Variants in MAMDC2 observed in about 807,000 individuals in gnomAD.
MAMDC2 encodes MAM domain containing 2.
Under a neutral mutation model 89.8 loss-of-function variants are expected in MAMDC2, and 57 were observed. The observed-to-expected ratio is 0.63, with a 90% CI of 0.51 to 0.79. MAMDC2 has a LOEUF of 0.79. Ranked by LOEUF, MAMDC2 falls within the 30% of genes least tolerant of loss-of-function variation. The probability of loss-of-function intolerance (pLI) is 0.00; values close to 1 mark genes in which losing one functional copy is unlikely to be tolerated. For missense variants in MAMDC2, 800 were observed against 820.6 expected (o/e 0.97, Z 0.31); for synonymous variants, 313 against 293.4 (o/e 1.07, Z -0.68).
At chr9:70,065,594 T>C (rs1418381077) in intron 2 of MAMDC2, among the ~76,000 whole-genome samples, 2 of 151,700 alleles carry the variant, frequency 1.3e-5, no homozygotes, top group African/African-American at 4.8e-5. Context: ...TTTTTTTTTT[T>C]TTAATACATG....
rs541028580 is a variant in MAMDC2 at position 70,129,194 on chromosome 9, T to C, written c.901-2325T>C. ...GTAGGAGGGACCCAGTGGGAGGTAA[T>C]TAAATTATGGGGGCAGTTCTTTCTC... On this transcript the variant is annotated intron_variant, in intron 6 of 13. Coordinates refer to ENST00000377182, the MANE Select transcript of MAMDC2 (RefSeq NM_153267.5). Among the ~76,000 whole-genome samples, 4 of 152,250 alleles carry C rather than the reference T, an allele frequency of 2.6e-5. No individual in the cohort carries two copies. In the South Asian group the frequency reaches 8.3e-4, roughly 32 times the overall value.
In MAMDC2 at chr9:70,182,471, A is replaced by T. The variant is rs143785686; in HGVS notation, c.1651+11840A>T. ...GTACCTCTGGTAGAATTTGGCTGTG[A>T]ATCCATCTGGTCCTGGGCTTTTTTT... On this transcript the variant is annotated intron_variant, in intron 11 of 13. Transcript: ENST00000377182. Among the ~76,000 whole-genome samples the T allele has an allele frequency of 5.4e-3, 821 of 152,276 alleles. 4 individuals are homozygous for T. Among genetic ancestry groups the T allele is most frequent in the Non-Finnish European group, 8.7e-3 (594 of 68,028 alleles).
At chr9:70,174,914 C>A (rs774453329) in intron 11 of MAMDC2, among the ~76,000 whole-genome samples, 17 of 152,000 alleles carry the variant, frequency 1.1e-4, no homozygotes, top group Non-Finnish European at 1.9e-4. Context: ...TTAGTAGAGA[C>A]AGGGTTTTGC....
At chr9:70,117,127 C>T (rs907299701) in intron 5 of MAMDC2, among the ~76,000 whole-genome samples, 12 of 152,292 alleles carry the variant, frequency 7.9e-5, no homozygotes, top group East Asian at 1.9e-4. Context: ...ACCAGAATGA[C>T]GCTTCTTCAT....
chr9:70,073,840 T>C (rs1450833708), intron 2 of MAMDC2, among the ~76,000 whole-genome samples: 1 of 152,224 alleles, frequency 6.6e-6, no homozygotes. Flanking sequence ...TTGTCTCTTC[T>C]ACATCTTACA....
chr9:70,204,725 C>T (rs1428749167), intron 11 of MAMDC2, among the ~76,000 whole-genome samples: 21 of 151,912 alleles, frequency 1.4e-4, no homozygotes, highest in Non-Finnish European at 1.5e-5. Context: ...GGGCGTAGGA[C>T]CCTCCGAGCC....
intron 11 of MAMDC2, among the ~76,000 whole-genome samples, chr9:70,174,735 T>TA (rs2032445550): frequency 6.6e-6 from 1 of 150,516 alleles, no homozygotes; most frequent in African/African-American, 2.4e-5. Context: ...ATTTTTTTTT[T>TA]TTTTTCCGAG....
intron 2 of MAMDC2, among the ~76,000 whole-genome samples, chr9:70,057,436 C>T (rs778297061): frequency 1.3e-5 from 2 of 152,112 alleles, no homozygotes; most frequent in Non-Finnish European, 2.9e-5. Flanking sequence ...CAGAATATTC[C>T]TCAAGCTTCT....
chr9:70,077,140 T>C lies in MAMDC2; in HGVS notation c.149-31071T>C, dbSNP rs3015167. On this transcript the variant is annotated intron_variant, in intron 2 of 13. Coordinates refer to ENST00000377182, the MANE Select transcript of MAMDC2 (RefSeq NM_153267.5). ...GATTAATTTATTCTAGGTTCTCTTA[T>C]GGTTAGTAGTGGCTCCAGAATGTGG... Among the ~76,000 whole-genome samples the C allele has an allele frequency of 7.3e-3, 1,112 of 152,344 alleles. 16 individuals carry two copies. Among genetic ancestry groups the C allele is most frequent in the African/African-American group, 0.025 (1,055 of 41,570 alleles).
chr9:70,045,215 C>G (rs1360732810), intron 2 of MAMDC2, among the ~76,000 whole-genome samples: 2 of 152,184 alleles, frequency 1.3e-5, no homozygotes, highest in Admixed American at 6.5e-5. Flanking sequence ...TTCATCCTCA[C>G]ACTCCTGTTT....
At chr9:70,190,497 C>T (rs1002503868) in intron 11 of MAMDC2, among the ~76,000 whole-genome samples, 5 of 151,816 alleles carry the variant, frequency 3.3e-5, no homozygotes, top group African/African-American at 1.2e-4. Flanking sequence ...GCCTTAGCCT[C>T]CATTTCTTGC....
At chr9:70,047,430 C>A (rs926571021) in intron 2 of MAMDC2, among the ~76,000 whole-genome samples, 2 of 152,088 alleles carry the variant, frequency 1.3e-5, no homozygotes, top group African/African-American at 4.8e-5. Context: ...TCAACTCCCA[C>A]TTATGAGTGA....
At chr9:70,070,331 A>G (rs1827374016) in intron 2 of MAMDC2, among the ~76,000 whole-genome samples, 1 of 152,252 alleles carries the variant, frequency 6.6e-6, no homozygotes, top group African/African-American at 2.4e-5. Context: ...TCCACTGCTA[A>G]GAAAAGAAAA....
At chr9:70,184,384 T>C (rs1389680402) in intron 11 of MAMDC2, among the ~76,000 whole-genome samples, 1 of 152,158 alleles carries the variant, frequency 6.6e-6, no homozygotes, top group African/African-American at 2.4e-5. Flanking sequence ...TCATGGAGTA[T>C]CTTAGTGGTG....
intron 2 of MAMDC2, among the ~76,000 whole-genome samples, chr9:70,062,316 A>G (rs1827167040): frequency 6.6e-6 from 1 of 151,942 alleles, no homozygotes; most frequent in Non-Finnish European, 1.5e-5. Context: ...CTCCTCTACC[A>G]TTCCCAGCCC....
intron 11 of MAMDC2, among the ~76,000 whole-genome samples, chr9:70,176,623 A>C (rs1272370111): frequency 6.6e-6 from 1 of 152,108 alleles, no homozygotes; most frequent in African/African-American, 2.4e-5. Context: ...TCTCTGTTTC[A>C]TTTGCTTCAA....
chr9:70,140,693 G>T (rs1339277420), intron 8 of MAMDC2, among the ~76,000 whole-genome samples: 1 of 152,208 alleles, frequency 6.6e-6, no homozygotes, highest in Non-Finnish European at 1.5e-5. Context: ...TTTGGGTGAT[G>T]AAAATGATCT....
In MAMDC2 at chr9:70,218,422, A is replaced by G; in HGVS notation, c.1737A>G (p.Gly579=). 1 of 1,614,226 alleles carries G rather than the reference A, an allele frequency of 6.2e-7. No homozygotes were observed. The highest frequency in any genetic ancestry group is 8.5e-7 in the Non-Finnish European group (1 of 1,180,026). ...LLSRPLRGVS[G]KHCLTFFYHM... ...CCAGGCCTCTGCGAGGAGTCTCTGG[A>G]AAACACTGCTTGACCTTTTTCTACC... The change falls in exon 12 of 14, where the codon GGA becomes GGG. Residue 579 remains glycine (G), a synonymous_variant. Coordinates refer to ENST00000377182, the MANE Select transcript of MAMDC2 (RefSeq NM_153267.5).
chr9:70,200,160 T>C (rs2118628751), intron 11 of MAMDC2, among the ~76,000 whole-genome samples: 1 of 152,316 alleles, frequency 6.6e-6, no homozygotes, highest in South Asian at 2.1e-4. Flanking sequence ...GCCTAGGTTT[T>C]CTCCTAGGGT....
Sources: allele counts gnomAD v4.1 joint callset (sites outside exome capture counted in the v4.1 genomes callset), GRCh38; gene constraint gnomAD v4.1.1; transcripts MANE v1.5; gene names NCBI Gene and HGNC (gene_info 2026-07-23, HGNC 2026-07-21).